The following STARD8 variants were observed in gnomAD, a reference collection of about 807,000 sequenced individuals.
STARD8 encodes StAR related lipid transfer domain containing 8.
Under a neutral mutation model 69.4 loss-of-function variants are expected in STARD8, and 25 were observed. The observed-to-expected ratio is 0.36, with a 90% CI of 0.26 to 0.50. The LOEUF is 0.50. Ranked by LOEUF, STARD8 falls within the 20% of genes least tolerant of loss-of-function variation. The pLI, the probability that STARD8 is intolerant of heterozygous loss-of-function variation, is 0.96. For synonymous variants in STARD8, 389 were observed against 374.6 expected (o/e 1.04, Z -0.45); for missense variants, 921 against 932.5 (o/e 0.99, Z 0.16).
chrX:68,676,228 G>A (rs1000374499), intron 2 of STARD8, among the ~76,000 whole-genome samples: 1 of 111,850 alleles, frequency 8.9e-6, no homozygotes, highest in African/African-American at 3.3e-5. Flanking sequence ...GGTTCCTGTG[G>A]CTCCTTCTGT....
chrX:68,650,558 T>C (rs953245839), intron 1 of STARD8, among the ~76,000 whole-genome samples: 2 of 106,003 alleles, frequency 1.9e-5, no homozygotes, highest in African/African-American at 6.9e-5. Flanking sequence ...TCCCAGCACT[T>C]TGGGATGCCG....
rs975033891 is a variant in STARD8, at chrX:68,697,961, C to A, written c.80-14953C>A. Reference sequence around the variant, plus strand: ...CAACAAGCCTGGGGTCCTGCCACTGCTTGGTTAATCATTGAGCCACATAAT... The same window carrying A: ...CAACAAGCCTGGGGTCCTGCCACTGATTGGTTAATCATTGAGCCACATAAT... On this transcript the variant is annotated intron_variant, in intron 2 of 14. Transcript: ENST00000374599. Among the ~76,000 whole-genome samples the A allele has an allele frequency of 2.7e-5, 3 of 112,530 alleles. No individual in the cohort carries two copies. In the South Asian group the frequency reaches 1.1e-3, roughly 41 times the overall value.
intron 1 of STARD8, among the ~76,000 whole-genome samples, chrX:68,652,934 CCA>C (rs1355979932): frequency 2.0e-4 from 11 of 53,802 alleles, no homozygotes; most frequent in East Asian, 7.3e-4. Context: ...ATCACACACA[CCA>C]CACACACACA....
Position 68,724,443 on chromosome X carries a change from T to TGGCACCACCCAGGCCCCCTGGGC in STARD8, c.*22_*44dup, listed in dbSNP as rs2080182073. The TGGCACCACCCAGGCCCCCTGGGC allele has an allele frequency of 1.7e-6, 2 of 1,168,085 alleles. No individual in the cohort carries two copies. Among genetic ancestry groups the TGGCACCACCCAGGCCCCCTGGGC allele is most frequent in the Non-Finnish European group, 2.3e-6 (2 of 861,924 alleles). ...TGTGAGCCTTGGGCTGGTCCCAGGG[T>TGGCACCACCCAGGCCCCCTGGGC]GGCACCACCCAGGCCCCCTGGGCAC... is the stretch of plus-strand genomic sequence containing the variant. On this transcript the variant is annotated 3_prime_UTR_variant, in exon 15 of 15. Transcript: ENST00000374599.
chrX:68,679,947 C>T (rs754825683), intron 2 of STARD8, among the ~76,000 whole-genome samples: 10 of 111,714 alleles, frequency 9.0e-5, no homozygotes, highest in African/African-American at 3.3e-4. Flanking sequence ...AGACTTGACG[C>T]TCCGCCCTTT....
Position 68,716,431 on chromosome X carries a change from G to A in STARD8, c.297G>A (p.Gln99=), listed in dbSNP as rs766088568. The A allele has an allele frequency of 5.8e-6, 7 of 1,210,629 alleles. No homozygotes were observed. The highest frequency in any genetic ancestry group is 7.8e-6 in the Non-Finnish European group (7 of 894,815). ...MKLEVHFQSK[Q]NEDSEEEEQC... is the part of the protein sequence containing the mutation. ...TGGAGGTTCATTTTCAAAGCAAGCA[G>A]GTGAGTCATGGCAAAGCGTGGGTCT... Residue 99 remains glutamine (Q), a splice_region_variant and synonymous_variant, in exon 5 of 15, where the codon CAG becomes CAA. Transcript: ENST00000374599.
intron 2 of STARD8, among the ~76,000 whole-genome samples, chrX:68,689,529 G>C (rs35702831): frequency 2.0e-4 from 22 of 112,429 alleles, no homozygotes; most frequent in East Asian, 5.6e-4. Flanking sequence ...AAGAGCCAGG[G>C]CTGGGTTATC....
chrX:68,694,672 A>C (rs1254513289), intron 2 of STARD8, among the ~76,000 whole-genome samples: 1 of 111,274 alleles, frequency 9.0e-6, no homozygotes, highest in Non-Finnish European at 1.9e-5. Context: ...GGTCTCTTTC[A>C]CCCTGACATT....
At chrX:68,678,470 G>A (rs1720413528) in intron 2 of STARD8, among the ~76,000 whole-genome samples, 1 of 111,969 alleles carries the variant, frequency 8.9e-6, no homozygotes, top group Admixed American at 9.4e-5. Context: ...TGTCCCATGT[G>A]GGGCATCCAG....
chrX:68,648,400 T>G (rs2079527938), intron 1 of STARD8, among the ~76,000 whole-genome samples: 1 of 111,367 alleles, frequency 9.0e-6, no homozygotes, highest in African/African-American at 3.3e-5. Context: ...TTATTATTAT[T>G]ATTATTAATT....
chrX:68,651,424 A>G (rs1469335534), intron 1 of STARD8, among the ~76,000 whole-genome samples: 1 of 112,399 alleles, frequency 8.9e-6, no homozygotes, highest in Non-Finnish European at 1.9e-5. Flanking sequence ...GGCCCCAGTC[A>G]GAAAGGCAGG....
intron 2 of STARD8, among the ~76,000 whole-genome samples, chrX:68,712,418 T>C (rs2080058183): frequency 8.9e-6 from 1 of 112,160 alleles, no homozygotes; most frequent in Admixed American, 9.4e-5. Context: ...GAAATGAGAG[T>C]TGGCTGTCAA....
intron 2 of STARD8, among the ~76,000 whole-genome samples, chrX:68,692,021 G>T (rs1289988088): frequency 1.8e-5 from 2 of 112,363 alleles, no homozygotes; most frequent in Admixed American, 1.9e-4. Flanking sequence ...TTAGGGAAAT[G>T]ATAAAATCAT....
At position 68,688,366 on chromosome X, in the gene STARD8, C is replaced by G. The variant is rs757815580; in HGVS notation, c.79+22834C>G. On this transcript the variant is annotated intron_variant, in intron 2 of 14. Coordinates refer to ENST00000374599, the MANE Select transcript of STARD8 (RefSeq NM_001142503.3). ...ACATTGTCAAGCCCTAGAGACCCCT[C>G]TTCACAGGGCTGGGCTGGGCCAGGC... Among the ~76,000 whole-genome samples the G allele has an allele frequency of 7.2e-5, 8 of 110,960 alleles. No homozygotes were observed. In the East Asian group the frequency reaches 1.4e-3, roughly 20 times the overall value.
rs992746170 is a variant in STARD8, at chrX:68,722,124, T to G, written c.2537T>G (p.Leu846Arg). 1.7e-6 allele frequency: 2 copies of G among 1,205,324 alleles called. No homozygotes were observed. The highest frequency in any genetic ancestry group is 2.2e-6 in the Non-Finnish European group (2 of 891,904). The part of the protein sequence containing the change: ...LSDNMAATQG[L>R]SHMISDCKKL... ...GACAACATGGCAGCCACCCAGGGCC[T>G]GTCGCACATGATCAGTGACTGCAAG... The change falls in exon 11 of 15, where the codon CTG becomes CGG. Residue 846 changes from leucine to arginine, a missense_variant. Physicochemically the swap from Leu to Arg is moderately radical, Grantham distance 102 (BLOSUM62 -2). Coordinates refer to ENST00000374599, the MANE Select transcript of STARD8 (RefSeq NM_001142503.3).
intron 2 of STARD8, among the ~76,000 whole-genome samples, chrX:68,682,575 A>AAAT (rs1381794512): frequency 1.8e-5 from 2 of 112,553 alleles, no homozygotes; most frequent in African/African-American, 6.5e-5. Flanking sequence ...GAGATAGGGC[A>AAAT]AATAATTTAA....
Position 68,722,060 on chromosome X carries a change from C to G in STARD8, c.2473C>G (p.Arg825Gly). The change falls in exon 11 of 15, where the codon CGC (arginine) becomes GGC (glycine). Residue 825 changes from arginine (R) to glycine (G), a missense_variant. Arg to Gly is a moderately radical substitution (Grantham distance 125, BLOSUM62 -2). Transcript: ENST00000374599. ...DSPSPRIKSK[R>G]SLIGRPGPRD... ...TGCTCCATCTAGGATCAAGAGCAAA[C>G]GCAGCCTCATTGGCAGGCCAGGCCC... 8.3e-7 allele frequency: 1 copy of G among 1,201,540 alleles called. No homozygotes were observed. Among genetic ancestry groups the G allele is most frequent in the Non-Finnish European group, 1.1e-6 (1 of 887,665 alleles).
chrX:68,673,510 G>T (rs1185737252), intron 2 of STARD8, among the ~76,000 whole-genome samples: 1 of 111,633 alleles, frequency 9.0e-6, no homozygotes, highest in Non-Finnish European at 1.9e-5. Context: ...TACTACTGTT[G>T]CTAGAAGGGC....
chrX:68,683,860 TG>T (rs1255269032), intron 2 of STARD8, among the ~76,000 whole-genome samples: 1 of 112,007 alleles, frequency 8.9e-6, no homozygotes, highest in Non-Finnish European at 1.9e-5. Context: ...AATCATTCTC[TG>T]GGGGTAAGGA....
Sources: gnomAD v4.1 joint callset for allele counts (sites outside exome capture counted in the v4.1 genomes callset) on GRCh38, gnomAD v4.1.1 for gene constraint, MANE v1.5 for transcripts, NCBI Gene and HGNC (gene_info 2026-07-23, HGNC 2026-07-21) for gene names.